PHF21B: variants seen among roughly 807,000 people sequenced by gnomAD.
The protein encoded by PHF21B is PHD finger protein 21B.
Under a neutral mutation model 62.2 loss-of-function variants are expected in PHF21B, and 22 were observed. The ratio of observed to expected loss-of-function variants is 0.35; its 90% CI spans 0.25 to 0.51. The LOEUF (loss-of-function observed/expected upper bound fraction) is 0.51. PHF21B is among the 20% of genes least tolerant of loss of function. The pLI is 0.97. For missense variants in PHF21B, 701 were observed against 707.9 expected (o/e 0.99, Z 0.11); for synonymous variants, 341 against 314.7 (o/e 1.08, Z -0.88).
At chr22:44,979,004 C>T (rs1382715626) in intron 2 of PHF21B, among the ~76,000 whole-genome samples, 1 of 152,238 alleles carries the variant, frequency 6.6e-6, no homozygotes, top group Non-Finnish European at 1.5e-5. Context: ...AACAACCACC[C>T]CCTGCAATGA....
intron 2 of PHF21B, among the ~76,000 whole-genome samples, chr22:44,998,780 A>C (rs910431874): frequency 6.6e-6 from 1 of 152,184 alleles, no homozygotes; most frequent in Non-Finnish European, 1.5e-5. Context: ...TGTTAATAAA[A>C]TAGTACTGAC....
intron 2 of PHF21B, among the ~76,000 whole-genome samples, chr22:45,007,746 C>A (rs1255979048): frequency 3.8e-4 from 11 of 28,986 alleles, no homozygotes; most frequent in Non-Finnish European, 7.5e-4. Flanking sequence ...GGAGGGGGCG[C>A]GGCGGGGGAG....
intron 2 of PHF21B, chr22:45,008,105 A>C (rs2073359617): frequency 6.5e-6 from 1 of 154,244 alleles, no homozygotes. Flanking sequence ...GGGGGGAGGG[A>C]GCCTCGAGGA....
At chr22:44,921,981 C>T (rs527662177) in intron 2 of PHF21B, among the ~76,000 whole-genome samples, 3 of 152,282 alleles carry the variant, frequency 2.0e-5, no homozygotes, top group African/African-American at 7.2e-5. Context: ...TTCTACATGG[C>T]TACATTCGCA....
At chr22:44,968,569 G>A (rs1275128675) in intron 2 of PHF21B, among the ~76,000 whole-genome samples, 1 of 150,154 alleles carries the variant, frequency 6.7e-6, no homozygotes. Flanking sequence ...GCTTGAACCT[G>A]GGAGGCAGAG....
intron 2 of PHF21B, among the ~76,000 whole-genome samples, chr22:44,991,544 G>A (rs550930426): frequency 5.4e-4 from 82 of 152,294 alleles, no homozygotes; most frequent in African/African-American, 1.9e-3. Flanking sequence ...TGAGAACAGG[G>A]ACGGGCCTGG....
chr22:44,932,717 C>T (rs1569237005), intron 2 of PHF21B, among the ~76,000 whole-genome samples: 1 of 152,264 alleles, frequency 6.6e-6, no homozygotes, highest in South Asian at 2.1e-4. Context: ...CCACGGAATG[C>T]CGATGACGGC....
rs901385684 is a variant in PHF21B at position 44,971,519 on chromosome 22, A to C, written c.120+37026T>G. The C allele has an allele frequency of 5.9e-5, 9 of 152,260 alleles. 1 individual carries two copies. The allele number at this position is 152,260 out of a possible 1,614,324, so 9.4% of individuals were successfully genotyped here. Reference sequence around the variant, plus strand: ...TTTGGGTGACTTGGGACCAATTTCCACTGTGTCCACCCTTTGCTCTCCCGG... The same window carrying C: ...TTTGGGTGACTTGGGACCAATTTCCCCTGTGTCCACCCTTTGCTCTCCCGG... On this transcript the variant is annotated intron_variant, in intron 2 of 12. Transcript: ENST00000313237.
chr22:44,972,246 G>A (rs187784063), intron 2 of PHF21B, among the ~76,000 whole-genome samples: 49 of 152,348 alleles, frequency 3.2e-4, no homozygotes, highest in Admixed American at 1.8e-3. Flanking sequence ...AGACCTGATC[G>A]CTTTGATGTT....
At chr22:44,920,600 A>G in intron 2 of PHF21B, 110 bp from the exon 3 acceptor site, 1 of 546,718 alleles carries the variant, frequency 1.8e-6, no homozygotes, top group South Asian at 3.1e-5. Context: ...AGCAAATTCT[A>G]CTCTTCCCTT....
rs771738185 is a variant in PHF21B at position 44,888,165 on chromosome 22, G to T, written c.1039-44C>A. The T allele has an allele frequency of 8.3e-6, 12 of 1,451,138 alleles. No homozygotes were observed. In the Admixed American group the frequency reaches 2.9e-4, roughly 36 times the overall value. 89.9% of individuals were successfully genotyped at this position (1,451,138 alleles called of 1,614,324 possible). A position where few individuals can be genotyped will look rare whatever the true frequency, so the allele number is the denominator to read the frequency against. Reference sequence around the variant, plus strand: ...CAGGAGACAGGTCAGCCACAGCCAGGGCAGCGGGGGCCGGTCAGCCAGGGC... The same window carrying T: ...CAGGAGACAGGTCAGCCACAGCCAGTGCAGCGGGGGCCGGTCAGCCAGGGC... On this transcript the variant is annotated intron_variant, in intron 9 of 12. Coordinates refer to ENST00000313237, the MANE Select transcript of PHF21B (RefSeq NM_138415.5).
chr22:44,918,796 G>A (rs1310755497), intron 3 of PHF21B, among the ~76,000 whole-genome samples: 2 of 152,252 alleles, frequency 1.3e-5, no homozygotes, highest in Non-Finnish European at 2.9e-5. Flanking sequence ...AGAGGAAGAA[G>A]AGAGGGTGCT....
chr22:44,954,450 C>T (rs900674110), intron 2 of PHF21B, among the ~76,000 whole-genome samples: 2 of 152,204 alleles, frequency 1.3e-5, no homozygotes, highest in African/African-American at 4.8e-5. Flanking sequence ...TAAACAGCTA[C>T]AGTGAATGAA....
At position 44,882,940 on chromosome 22, in the gene PHF21B, C is replaced by T. The variant is rs1042057600; in HGVS notation, c.*146G>A. 1.1e-5 allele frequency: 11 copies of T among 1,034,564 alleles called. No individual in the cohort carries two copies. In the African/African-American group the frequency reaches 1.4e-4, roughly 14 times the overall value. 64.1% of individuals were successfully genotyped at this position (1,034,564 alleles called of 1,614,324 possible). On this transcript the variant is annotated 3_prime_UTR_variant, in exon 13 of 13. Transcript: ENST00000313237. ...CCTGGTCCTGGCTCTAGGCCTCTCG[C>T]CCAGCTCTTCCTCCCTCCTCTCCTC...
chr22:44,954,193 T>TA (rs143299618), intron 2 of PHF21B, among the ~76,000 whole-genome samples: 2,991 of 150,940 alleles, frequency 0.02, 37 homozygotes, highest in Non-Finnish European at 0.032. Flanking sequence ...TTCTTGTTGT[T>TA]AAAAAAAAAA....
At chr22:44,897,115 G>A (rs979327968) in intron 5 of PHF21B, among the ~76,000 whole-genome samples, 36 of 152,072 alleles carry the variant, frequency 2.4e-4, no homozygotes, top group African/African-American at 7.0e-4. Flanking sequence ...CTGGGTGCAG[G>A]CCTACCCCAG....
chr22:44,944,573 T>G (rs558933170), intron 2 of PHF21B, among the ~76,000 whole-genome samples: 24 of 152,322 alleles, frequency 1.6e-4, no homozygotes, highest in Middle Eastern at 3.4e-3. Context: ...GGGAATTTCC[T>G]AAGATGCCAG....
intron 2 of PHF21B, among the ~76,000 whole-genome samples, chr22:44,928,093 A>C (rs2147331591): frequency 6.6e-6 from 1 of 152,228 alleles, no homozygotes; most frequent in South Asian, 2.1e-4. Context: ...ATCTGTCTTT[A>C]ATAAATGTTT....
chr22:44,994,781 G>C (rs1204585942), intron 2 of PHF21B, among the ~76,000 whole-genome samples: 3 of 152,130 alleles, frequency 2.0e-5, no homozygotes, highest in African/African-American at 7.2e-5. Flanking sequence ...TTACATACAG[G>C]CTGCTGATTA....
Sources: gnomAD v4.1 joint callset for allele counts (sites outside exome capture counted in the v4.1 genomes callset) on GRCh38, gnomAD v4.1.1 for gene constraint, MANE v1.5 for transcripts, NCBI Gene and HGNC (gene_info 2026-07-23, HGNC 2026-07-21) for gene names.